The following THNSL2 variants were observed in gnomAD, a reference collection of about 807,000 sequenced individuals.
THNSL2 encodes threonine synthase-like 2.
In THNSL2, 34 loss-of-function variants were observed where a neutral mutation model predicts 40.0. That is an observed-to-expected ratio of 0.85 (90% CI 0.65 to 1.13). The LOEUF (loss-of-function observed/expected upper bound fraction) is 1.13, where lower values mean the gene tolerates loss of function less well. Among genes scored for constraint, THNSL2 ranks in the 50% most tolerant of loss-of-function variants. THNSL2 has a pLI of 0.00. For missense variants in THNSL2, 537 were observed against 608.8 expected, an observed-to-expected ratio of 0.88 and a Z score of 1.24; for synonymous variants, 241 against 247.5, an observed-to-expected ratio of 0.97 and a Z score of 0.25.
At chr2:88,177,255 C>G (rs1464941098) in intron 4 of THNSL2, 1 of 152,138 alleles carries the variant, frequency 6.6e-6, no homozygotes, top group Non-Finnish European at 1.5e-5. Context: ...CCTTTCTTTC[C>G]TTTCTAGAGC....
chr2:88,171,092 C>A, intron 1 of THNSL2: 1 of 339,864 alleles, frequency 2.9e-6, no homozygotes, highest in East Asian at 8.3e-5. Flanking sequence ...GTCCGGGTCT[C>A]CATCCCATGC....
intron 5 of THNSL2, among the ~76,000 whole-genome samples, chr2:88,181,130 TC>T (rs1558895116): frequency 7.6e-4 from 5 of 6,592 alleles, no homozygotes; most frequent in Admixed American, 4.4e-3. Flanking sequence ...CTCCTCTCTC[TC>T]CTCTCTCTCT....
At chr2:88,185,817 T>G (rs983439902) in intron 8 of THNSL2, 81 bp from the exon 9 acceptor site, 25 of 1,540,694 alleles carry the variant, frequency 1.6e-5, no homozygotes, top group Non-Finnish European at 2.1e-5. Context: ...CCTCTGTTTC[T>G]TATTCCTCCT....
At chr2:88,181,896 C>A (rs988203843) in intron 5 of THNSL2, among the ~76,000 whole-genome samples, 1 of 152,014 alleles carries the variant, frequency 6.6e-6, no homozygotes, top group Non-Finnish European at 1.5e-5. Context: ...TCTTTTGTGC[C>A]TGACTTCTTT....
intron 2 of THNSL2, among the ~76,000 whole-genome samples, chr2:88,174,042 A>T (rs1387974080): frequency 1.3e-5 from 2 of 152,206 alleles, no homozygotes; most frequent in East Asian, 3.9e-4. Context: ...ACCAGCAGTG[A>T]TGGCATTGCT....
chr2:88,173,985 G>A (rs140320871), intron 2 of THNSL2, among the ~76,000 whole-genome samples: 1 of 152,344 alleles, frequency 6.6e-6, no homozygotes, highest in Non-Finnish European at 1.5e-5. Context: ...AATGGTGGTG[G>A]TTTGGGGTTG....
At chr2:88,184,541 G>T (rs2104281005) in intron 7 of THNSL2, among the ~76,000 whole-genome samples, 1 of 152,070 alleles carries the variant, frequency 6.6e-6, no homozygotes, top group Admixed American at 6.5e-5. Context: ...GAGGCAGGCG[G>T]ATCATTTGAG....
Position 88,182,747 on chromosome 2 carries a change from C to T in THNSL2, c.851C>T (p.Ala284Val). 1 of 1,614,132 alleles carries T rather than the reference C, an allele frequency of 6.2e-7. No homozygotes were observed. The highest frequency in any genetic ancestry group is 8.5e-7 in the Non-Finnish European group (1 of 1,179,992). ...GGCCTGCCCATCCGTCTGGTCGTGG[C>T]AGTGAACCGCAATGACATCATCCAC... Reference protein sequence around the residue: ...KIGLPIRLVVAVNRNDIIHRT... With the variant: ...KIGLPIRLVVVVNRNDIIHRT... Residue 284 changes from alanine (A) to valine (V), a missense_variant, in exon 6 of 9, where the codon GCA becomes GTA. Ala to Val is a moderately conservative substitution (Grantham distance 64, BLOSUM62 0). Transcript: ENST00000674334.
At chr2:88,184,765 C>G (rs1466764551) in intron 7 of THNSL2, among the ~76,000 whole-genome samples, 1 of 107,214 alleles carries the variant, frequency 9.3e-6, no homozygotes, top group Non-Finnish European at 2.1e-5. Flanking sequence ...GAGACTCTGT[C>G]TCAAAAAAAA....
intron 3 of THNSL2, 121 bp from the exon 4 acceptor site, chr2:88,175,128 T>A (rs1424017007): frequency 2.6e-6 from 3 of 1,155,830 alleles, no homozygotes; most frequent in Non-Finnish European, 2.4e-6. Context: ...GCTAGGTTCA[T>A]ATCATCCAAG....
In THNSL2 at chr2:88,175,295, G is replaced by T; in HGVS notation, c.465G>T (p.Gly155=). 1 of 1,614,162 alleles carries T rather than the reference G, an allele frequency of 6.2e-7. No individual in the cohort carries two copies. The highest frequency in any genetic ancestry group is 8.5e-7 in the Non-Finnish European group (1 of 1,180,038). ...TGSAAIESVQ[G]AKNMDIIVLL... The stretch of plus-strand genomic sequence containing the variant: ...GTGCTGCCATTGAGAGTGTTCAAGG[G>T]GCAAAGAACATGGACATTATCGTTC... Residue 155 remains glycine (G), a synonymous_variant, in exon 4 of 9, where the codon GGG becomes GGT. Coordinates refer to ENST00000674334, the MANE Select transcript of THNSL2 (RefSeq NM_018271.5).
intron 1 of THNSL2, chr2:88,171,090 C>G (rs926680099): frequency 5.9e-6 from 2 of 339,300 alleles, no homozygotes; most frequent in Non-Finnish European, 1.2e-5. Flanking sequence ...TAGTCCGGGT[C>G]TCCATCCCAT....
intron 5 of THNSL2, among the ~76,000 whole-genome samples, chr2:88,180,995 G>A (rs981259784): frequency 3.3e-5 from 5 of 152,086 alleles, no homozygotes; most frequent in African/African-American, 7.2e-5. Context: ...TTTTACAGTA[G>A]TCAGCCATCT....
chr2:88,171,633 TC>T, intron 1 of THNSL2: 1 of 194,350 alleles, frequency 5.1e-6, no homozygotes, highest in South Asian at 7.4e-5. Flanking sequence ...TTGCAGAAAT[TC>T]CTCTCTTTAT....
At chr2:88,185,512 A>G in intron 8 of THNSL2, 33 bp downstream of exon 8, 1 of 1,578,428 alleles carries the variant, frequency 6.3e-7, no homozygotes. Flanking sequence ...CCACTGAGGG[A>G]CCATTTGAAT....
intron 2 of THNSL2, among the ~76,000 whole-genome samples, chr2:88,174,407 C>A (rs556094782): frequency 2.0e-5 from 3 of 152,202 alleles, no homozygotes; most frequent in African/African-American, 7.2e-5. Context: ...TCTTCTAGTA[C>A]CAATTCTGGT....
intron 1 of THNSL2, chr2:88,172,839 G>A (rs151032586): frequency 3.4e-5 from 8 of 237,660 alleles, no homozygotes; most frequent in Non-Finnish European, 6.4e-5. Flanking sequence ...CCACCGCCAG[G>A]CCTTCTTTCT....
At chr2:88,171,183 G>A (rs1676332676) in intron 1 of THNSL2, 5 of 416,312 alleles carry the variant, frequency 1.2e-5, no homozygotes, top group Non-Finnish European at 2.0e-5. Flanking sequence ...TGCTATTTCC[G>A]CCTCTGGCTT....
intron 7 of THNSL2, among the ~76,000 whole-genome samples, chr2:88,185,066 C>T (rs1243348831): frequency 6.6e-6 from 1 of 152,184 alleles, no homozygotes; most frequent in Non-Finnish European, 1.5e-5. Flanking sequence ...AGTTGTTGAA[C>T]AAATCTATAT....
Sources: gnomAD v4.1 joint callset for allele counts (sites outside exome capture counted in the v4.1 genomes callset) on GRCh38, gnomAD v4.1.1 for gene constraint, MANE v1.5 for transcripts, NCBI Gene and HGNC (gene_info 2026-07-23, HGNC 2026-07-21) for gene names.